LIPA: variants seen among roughly 807,000 people sequenced by gnomAD.
LIPA encodes lysosomal acid lipase/cholesteryl ester hydrolase.
LIPA carries 26 observed loss-of-function variants against 40.6 expected under a neutral mutation model. The observed-to-expected ratio is 0.64, with a 90% confidence interval of 0.47 to 0.89. The LOEUF is 0.89. Among genes scored for constraint, LIPA ranks in the 40% least tolerant of loss-of-function variants. The pLI is 0.00. For synonymous variants in LIPA, 188 were observed against 168.4 expected (o/e 1.12, Z -0.90); for missense variants, 455 against 479.6 (o/e 0.95, Z 0.48).
At chr10:89,217,784 T>A (rs1043743942) in intron 8 of LIPA, among the ~76,000 whole-genome samples, 2 of 152,252 alleles carry the variant, frequency 1.3e-5, no homozygotes, top group Non-Finnish European at 1.5e-5. Flanking sequence ...TAGAATTGTA[T>A]GCAGTTGATA....
At chr10:89,365,451 T>G (rs889906916) in intron 2 of LIPA, among the ~76,000 whole-genome samples, 1 of 152,230 alleles carries the variant, frequency 6.6e-6, no homozygotes, top group Non-Finnish European at 1.5e-5. Flanking sequence ...GCTCTTTAGT[T>G]TAATTAGATC....
chr10:89,331,235 C>T (rs571537620), intron 1 of LIPA, among the ~76,000 whole-genome samples: 22 of 152,232 alleles, frequency 1.4e-4, no homozygotes, highest in African/African-American at 4.8e-4. Context: ...TGCAGTGGCC[C>T]GATCATGGCT....
intron 3 of LIPA, among the ~76,000 whole-genome samples, chr10:89,235,187 G>A (rs1842889619): frequency 6.6e-6 from 1 of 152,224 alleles, no homozygotes; most frequent in Non-Finnish European, 1.5e-5. Flanking sequence ...ACTCAGCCTC[G>A]CCTGGTCAGG....
chr10:89,306,312 A>T lies in LIPA; in HGVS notation c.-2+36299T>A. The T allele has an allele frequency of 1.9e-6, 3 of 1,614,096 alleles. No homozygotes were observed. The Admixed American group carries it at 5.0e-5, about 27-fold the overall frequency. ...TCAGACGTTCAGATTTATGTAGACA[A>T]GGTGAAACATGTCTGTGAGAAGTTT... On this transcript the variant is annotated intron_variant, in intron 1 of 5. Transcript: ENST00000282673.
intron 2 of LIPA, among the ~76,000 whole-genome samples, chr10:89,373,660 G>A (rs985664477): frequency 6.6e-6 from 1 of 152,168 alleles, no homozygotes; most frequent in Non-Finnish European, 1.5e-5. Flanking sequence ...TCTAGACTCA[G>A]AGCCTCATAG....
chr10:89,379,637 T>C (rs535142014), intron 2 of LIPA, among the ~76,000 whole-genome samples: 1 of 152,234 alleles, frequency 6.6e-6, no homozygotes, highest in African/African-American at 2.4e-5. Context: ...CTAGCAAACA[T>C]GTAGACCTGT....
intron 1 of LIPA, among the ~76,000 whole-genome samples, chr10:89,273,363 C>T (rs1843275314): frequency 6.6e-6 from 1 of 152,064 alleles, no homozygotes; most frequent in Admixed American, 6.5e-5. Flanking sequence ...ATTTGTGGCA[C>T]TATGTGTGAC....
At chr10:89,216,212 T>G (rs547688660) in intron 8 of LIPA, among the ~76,000 whole-genome samples, 1 of 152,194 alleles carries the variant, frequency 6.6e-6, no homozygotes, top group South Asian at 2.1e-4. Flanking sequence ...ATTGTATGAT[T>G]GTTAAGCAGC....
At chr10:89,373,149 C>T (rs1844101139) in intron 2 of LIPA, among the ~76,000 whole-genome samples, 1 of 151,730 alleles carries the variant, frequency 6.6e-6, no homozygotes, top group African/African-American at 2.4e-5. Context: ...CTGGCTAACA[C>T]AGTGAAACCC....
intron 1 of LIPA, among the ~76,000 whole-genome samples, chr10:89,341,204 G>A (rs1843866140): frequency 6.6e-6 from 1 of 152,200 alleles, no homozygotes; most frequent in South Asian, 2.1e-4. Flanking sequence ...CCCATGCCCA[G>A]TTAGCAGCTG....
intron 3 of LIPA, among the ~76,000 whole-genome samples, chr10:89,230,722 G>A (rs999512718): frequency 6.6e-6 from 1 of 152,194 alleles, no homozygotes; most frequent in Non-Finnish European, 1.5e-5. Context: ...CTGAAGAGTA[G>A]AAATGATAAT....
At chr10:89,307,493 G>A in intron 1 of LIPA, 1 of 804,108 alleles carries the variant, frequency 1.2e-6, no homozygotes. Flanking sequence ...TAAGACACTG[G>A]CCATACCACT....
At chr10:89,351,088 G>A (rs1020188775) in intron 2 of LIPA, among the ~76,000 whole-genome samples, 1 of 152,228 alleles carries the variant, frequency 6.6e-6, no homozygotes, top group African/African-American at 2.4e-5. Flanking sequence ...GGCTGAAGTG[G>A]GCGGATCACT....
At chr10:89,225,051 A>G in intron 6 of LIPA, 41 bp downstream of exon 6, 2 of 1,607,874 alleles carry the variant, frequency 1.2e-6, no homozygotes, top group Non-Finnish European at 1.7e-6. Flanking sequence ...CTCAGGAGGA[A>G]ATCTGCGGGG....
chr10:89,252,456 C>G (rs1173576351), upstream of LIPA, among the ~76,000 whole-genome samples: 3 of 139,572 alleles, frequency 2.1e-5, no homozygotes, highest in African/African-American at 7.4e-5. Flanking sequence ...CTATATAATA[C>G]ATGAGGTGGT....
upstream of LIPA, among the ~76,000 whole-genome samples, chr10:89,253,166 T>C (rs1169074156): frequency 1.3e-5 from 2 of 152,222 alleles, no homozygotes; most frequent in Non-Finnish European, 2.9e-5. Flanking sequence ...CAGCATAATC[T>C]AGTTTAGAAA....
intron 1 of LIPA, among the ~76,000 whole-genome samples, chr10:89,326,859 A>G (rs535511332): frequency 3.3e-5 from 5 of 152,380 alleles, no homozygotes; most frequent in African/African-American, 1.2e-4. Flanking sequence ...TAAGCCAAAT[A>G]TGAATGACCT....
In LIPA at chr10:89,240,771, G is replaced by A. The variant is rs944544027; in HGVS notation, c.229+4905C>T. On this transcript the variant is annotated intron_variant, in intron 3 of 9. Transcript: ENST00000336233. ...CACAGGAAGCATTTAAGTTGTGTTCGTGGACTCCTAGGAGCCCAGGAGTAG... is the reference window on the plus strand; with the variant it reads ...CACAGGAAGCATTTAAGTTGTGTTCATGGACTCCTAGGAGCCCAGGAGTAG... Among the ~76,000 whole-genome samples the A allele has an allele frequency of 5.3e-5, 8 of 152,082 alleles. 1 individual carries two copies. The highest frequency in any genetic ancestry group is 1.9e-4 in the African/African-American group (8 of 41,398).
At chr10:89,357,450 G>A (rs1843994697) in intron 2 of LIPA, among the ~76,000 whole-genome samples, 1 of 152,192 alleles carries the variant, frequency 6.6e-6, no homozygotes, top group Non-Finnish European at 1.5e-5. Context: ...TTTCTAGAAT[G>A]CAAATTTCCC....
Sources: gnomAD v4.1 joint callset for allele counts (sites outside exome capture counted in the v4.1 genomes callset) on GRCh38, gnomAD v4.1.1 for gene constraint, MANE v1.5 for transcripts, NCBI Gene and HGNC (gene_info 2026-07-23, HGNC 2026-07-21) for gene names.